The following CDKN2B-AS1 variants were observed in gnomAD, a reference collection of about 807,000 sequenced individuals.
CDKN2B-AS1 encodes the protein CDKN2B antisense RNA 1 (non-protein coding).
chr9:22,069,807 C>G (rs1824214627), intron 4 of CDKN2B-AS1, among the ~76,000 whole-genome samples: 1 of 152,070 alleles, frequency 6.6e-6, no homozygotes, highest in Non-Finnish European at 1.5e-5. Flanking sequence ...CCAGCCTCTC[C>G]CCATCTTCTT....
chr9:22,024,818 G>C (rs1237062457), intron 1 of CDKN2B-AS1, among the ~76,000 whole-genome samples: 1 of 152,182 alleles, frequency 6.6e-6, no homozygotes, highest in African/African-American at 2.4e-5. Context: ...GGTGTGCGCA[G>C]TAAGGGCTGT....
chr9:22,053,835 G>A (rs1054110932), intron 3 of CDKN2B-AS1, among the ~76,000 whole-genome samples: 6 of 152,002 alleles, frequency 3.9e-5, no homozygotes, highest in South Asian at 2.1e-4. Flanking sequence ...CTTGTAGACC[G>A]TCACTAGCTA....
At position 22,005,721 on chromosome 9, in the gene CDKN2B-AS1, G is replaced by A; in HGVS notation, n.29+10560G>A. The A allele has an allele frequency of 1.7e-6, 1 of 575,882 alleles. No homozygotes were observed. Among genetic ancestry groups the A allele is most frequent in the Non-Finnish European group, 3.1e-6 (1 of 322,432 alleles). The allele number at this position is 575,882 out of a possible 1,614,324, so 35.7% of individuals were successfully genotyped here. ...AACCCTGAAAAGCAAACGACCCCTG[G>A]AATGTCACACACTCCTAAATATCCC... On this transcript the variant is annotated intron_variant and non_coding_transcript_variant, in intron 1 of 4. Transcript: ENST00000650946. The surrounding 1 kb of genome is among the most constrained non-coding windows in gnomAD (Gnocchi z 4.9).
intron 4 of CDKN2B-AS1, among the ~76,000 whole-genome samples, chr9:22,070,255 G>A (rs2131313539): frequency 6.6e-6 from 1 of 152,294 alleles, no homozygotes; most frequent in East Asian, 1.9e-4. Context: ...TTGGTTAATT[G>A]ATTGATTCGA....
At chr9:22,074,907 A>G (rs1442139639) in intron 4 of CDKN2B-AS1, among the ~76,000 whole-genome samples, 4 of 152,190 alleles carry the variant, frequency 2.6e-5, no homozygotes, top group Non-Finnish European at 5.9e-5. Flanking sequence ...CTGACATTCT[A>G]GGCTATTGTT....
At chr9:22,086,592 A>G (rs1824874821) in intron 4 of CDKN2B-AS1, among the ~76,000 whole-genome samples, 1 of 152,208 alleles carries the variant, frequency 6.6e-6, no homozygotes, top group Non-Finnish European at 1.5e-5. Flanking sequence ...TTTAGAAAAT[A>G]TGAAATTCTT....
chr9:22,101,614 A>G (rs1189350517), intron 4 of CDKN2B-AS1, among the ~76,000 whole-genome samples: 6 of 150,640 alleles, frequency 4.0e-5, no homozygotes, highest in Middle Eastern at 3.2e-3. Flanking sequence ...GTTTTCTTTT[A>G]TTTTTCCTTC....
intron 4 of CDKN2B-AS1, chr9:22,065,603 G>T (rs1239329957): frequency 6.6e-6 from 1 of 152,156 alleles, no homozygotes; most frequent in African/African-American, 2.4e-5. Context: ...TCCCAAGCAG[G>T]TTCAGTAGCT....
At chr9:22,038,416 A>G (rs903858186) in intron 1 of CDKN2B-AS1, among the ~76,000 whole-genome samples, 1 of 152,000 alleles carries the variant, frequency 6.6e-6, no homozygotes, top group East Asian at 1.9e-4. Context: ...CAGATTTGAT[A>G]AATCTGTTCA....
chr9:22,051,049 G>T (rs866061971), intron 3 of CDKN2B-AS1, among the ~76,000 whole-genome samples: 1 of 152,120 alleles, frequency 6.6e-6, no homozygotes, highest in Non-Finnish European at 1.5e-5. Context: ...TTGTCTACTT[G>T]GTTTTCATGA....
intron 4 of CDKN2B-AS1, among the ~76,000 whole-genome samples, chr9:22,107,582 G>A (rs1325027776): frequency 2.0e-5 from 3 of 152,174 alleles, no homozygotes; most frequent in South Asian, 2.1e-4. Context: ...TCATTTGTAT[G>A]TACTAGGTGA....
At chr9:22,070,356 T>C (rs1448495491) in intron 4 of CDKN2B-AS1, among the ~76,000 whole-genome samples, 1 of 152,150 alleles carries the variant, frequency 6.6e-6, no homozygotes, top group African/African-American at 2.4e-5. Flanking sequence ...GTATTATAAA[T>C]TAATAAAATA....
intron 1 of CDKN2B-AS1, among the ~76,000 whole-genome samples, chr9:22,002,422 G>T (rs567921458): frequency 1.2e-4 from 18 of 151,908 alleles, no homozygotes; most frequent in Non-Finnish European, 2.1e-4. Flanking sequence ...AGCATAAAAT[G>T]AGTATATGTT....
chr9:22,125,625 A>G (rs2131379046), intron 4 of CDKN2B-AS1, among the ~76,000 whole-genome samples: 1 of 152,350 alleles, frequency 6.6e-6, no homozygotes. Flanking sequence ...AACTTTTTGG[A>G]AGATAAGTTG....
intron 2 of CDKN2B-AS1, among the ~76,000 whole-genome samples, chr9:22,048,172 CT>C: frequency 1.3e-5 from 2 of 152,238 alleles, no homozygotes; most frequent in South Asian, 4.1e-4. Flanking sequence ...ATTTCAACAA[CT>C]TTTCAACACT....
intron 4 of CDKN2B-AS1, among the ~76,000 whole-genome samples, chr9:22,102,438 G>A (rs62555370): frequency 0.081 from 12,383 of 152,180 alleles, 742 homozygotes; most frequent in Non-Finnish European, 0.13. Flanking sequence ...GGAGGCAGAA[G>A]GTCTAAAATC....
At chr9:22,014,049 C>T (rs999267252) in intron 1 of CDKN2B-AS1, among the ~76,000 whole-genome samples, 1 of 152,170 alleles carries the variant, frequency 6.6e-6, no homozygotes, top group Admixed American at 6.5e-5. Flanking sequence ...GTGATTCTAG[C>T]AGCCATGGAT....
chr9:21,995,468 C>T lies in CDKN2B-AS1; in HGVS notation n.29+307C>T, dbSNP rs540953023. On this transcript the variant is annotated intron_variant and non_coding_transcript_variant, in intron 1 of 4. Coordinates refer to ENST00000650946, the Ensembl canonical transcript of CDKN2B-AS1. The surrounding 1 kb of genome is among the most constrained non-coding windows in gnomAD (Gnocchi z 5.7). ...CCACGCTCTGCCCCGCGCCCAGACA[C>T]CCCGACTCCCCTTGATCCCGCCGCC... 87 of 152,656 alleles carry T rather than the reference C, an allele frequency of 5.7e-4. No individual in the cohort carries two copies. The highest frequency in any genetic ancestry group is 1.4e-3 in the South Asian group (7 of 4,830). 9.5% of individuals were successfully genotyped at this position (152,656 alleles called of 1,614,324 possible).
intron 4 of CDKN2B-AS1, among the ~76,000 whole-genome samples, chr9:22,069,040 G>T (rs1163409899): frequency 1.3e-5 from 2 of 152,180 alleles, no homozygotes; most frequent in Non-Finnish European, 2.9e-5. Context: ...GCAATGGTTA[G>T]TCCCCTGTCA....
Sources: allele counts gnomAD v4.1 joint callset (sites outside exome capture counted in the v4.1 genomes callset), GRCh38; gene constraint gnomAD v4.1.1; non-coding constraint Gnocchi (gnomAD v3.1); transcripts MANE v1.5; gene names NCBI Gene and HGNC (gene_info 2026-07-23, HGNC 2026-07-21).